BAIAP2L2: variants seen among roughly 807,000 people sequenced by gnomAD.
BAIAP2L2 encodes BAR/IMD domain containing adaptor protein 2 like 2, also known as BAR/IMD domain-containing adapter protein 2-like 2.
A neutral mutation model predicts 60.4 loss-of-function variants in BAIAP2L2; 65 were observed. The observed-to-expected ratio is 1.08, with a 90% CI of 0.88 to 1.32. The LOEUF (loss-of-function observed/expected upper bound fraction) is 1.32, where lower values mean the gene tolerates loss of function less well. BAIAP2L2 is among the 40% of genes most tolerant of loss of function. The probability of loss-of-function intolerance (pLI) is 0.00; values close to 1 mark genes in which losing one functional copy is unlikely to be tolerated. For synonymous variants in BAIAP2L2, 344 were observed against 301.7 expected (o/e 1.14, Z -1.45); for missense variants, 836 against 741.2 (o/e 1.13, Z -1.48).
chr22:38,106,548 AG>A (rs2086668694), intron 4 of BAIAP2L2, among the ~76,000 whole-genome samples: 2 of 149,646 alleles, frequency 1.3e-5, no homozygotes, highest in African/African-American at 4.9e-5. Flanking sequence ...AAAAAAAAAA[AG>A]ATTGTTCCCC....
chr22:38,093,773 C>T lies in BAIAP2L2; in HGVS notation c.612+3259G>A, dbSNP rs548796380. On this transcript the variant is annotated intron_variant, in intron 7 of 13. Coordinates refer to ENST00000381669, the MANE Select transcript of BAIAP2L2 (RefSeq NM_025045.6). Reference sequence around the variant, plus strand: ...ACTGCTGATGGACACGGAAACACTCCGGAAAACGGTCTGGAAGTTCCACAA... The same window carrying T: ...ACTGCTGATGGACACGGAAACACTCTGGAAAACGGTCTGGAAGTTCCACAA... 1.1e-4 allele frequency: 45 copies of T among 395,688 alleles called. 1 individual carries two copies. Among genetic ancestry groups the T allele is most frequent in the South Asian group, 7.1e-4 (39 of 55,222 alleles). The allele number at this position is 395,688 out of a possible 1,614,324, so 24.5% of individuals were successfully genotyped here.
In BAIAP2L2 at chr22:38,110,466, T is replaced by G. The variant is rs752742838; in HGVS notation, c.51+9A>C. The G allele has an allele frequency of 1.2e-6, 2 of 1,611,720 alleles. No individual in the cohort carries two copies. Among genetic ancestry groups the G allele is most frequent in the Non-Finnish European group, 8.5e-7 (1 of 1,179,116 alleles). ...GGCTCAGGCCTGGCTTGGCCACCCA[T>G]GTGCTCACCTTGTAGATGGCCATGG... On this transcript the variant is annotated intron_variant, in intron 1 of 13. Coordinates refer to ENST00000381669, the MANE Select transcript of BAIAP2L2 (RefSeq NM_025045.6).
In BAIAP2L2 at chr22:38,109,123, A is replaced by G; in HGVS notation, c.127+10T>C. The G allele has an allele frequency of 4.3e-6, 7 of 1,609,270 alleles. No individual in the cohort carries two copies. The highest frequency in any genetic ancestry group is 5.9e-6 in the Non-Finnish European group (7 of 1,177,110). ...AGGGCTGGGGCTCGGTGGCCCGGGCAGGCACTCACCGTGGAAGGCACGCAG... is the reference window on the plus strand; with the variant it reads ...AGGGCTGGGGCTCGGTGGCCCGGGCGGGCACTCACCGTGGAAGGCACGCAG... On this transcript the variant is annotated intron_variant, in intron 2 of 13. Transcript: ENST00000381669.
At chr22:38,098,011 A>C (rs2413501) in intron 6 of BAIAP2L2, 52 bp downstream of exon 6, 2 of 485,504 alleles carry the variant, frequency 4.1e-6, no homozygotes, top group Non-Finnish European at 6.0e-6. Flanking sequence ...TCTCGCCCCG[A>C]GGTCTGCCCA....
rs1245565343 is a variant in BAIAP2L2, at chr22:38,107,928, G to A, written c.215-15C>T. The A allele has an allele frequency of 6.2e-7, 1 of 1,612,922 alleles. No individual in the cohort carries two copies. The highest frequency in any genetic ancestry group is 1.3e-5 in the African/African-American group (1 of 74,944). ...CAAGATCTCCCCTGGAGGCATGGATGCAGCTGTGGCTTTGGTGTGTGGCAG... is the reference window on the plus strand; with the variant it reads ...CAAGATCTCCCCTGGAGGCATGGATACAGCTGTGGCTTTGGTGTGTGGCAG... On this transcript the variant is annotated splice_polypyrimidine_tract_variant and intron_variant, in intron 3 of 13. Coordinates refer to ENST00000381669, the MANE Select transcript of BAIAP2L2 (RefSeq NM_025045.6).
At position 38,107,834 on chromosome 22, in the gene BAIAP2L2, C is replaced by CT. The variant is rs747346532; in HGVS notation, c.276+17dup. ...TTTCCTCGAGTGACCCCTCCAGGCC[C>CT]TGGGGCCTGATACTCACCACCACCT... On this transcript the variant is annotated intron_variant, in intron 4 of 13. Transcript: ENST00000381669. The CT allele has an allele frequency of 3.7e-6, 6 of 1,612,498 alleles. No homozygotes were observed. The highest frequency in any genetic ancestry group is 2.2e-5 in the East Asian group (1 of 44,868).
intron 7 of BAIAP2L2, chr22:38,091,584 CAGAG>C (rs1166135101): frequency 2.0e-5 from 3 of 152,004 alleles, no homozygotes; most frequent in Non-Finnish European, 4.4e-5. Flanking sequence ...TCAAAACCAT[CAGAG>C]AGGCCATGGG....
chr22:38,104,518 C>G (rs185768083), intron 4 of BAIAP2L2, among the ~76,000 whole-genome samples: 2,321 of 142,642 alleles, frequency 0.016, 58 homozygotes, highest in African/African-American at 0.058. Context: ...TTTTTTGAGA[C>G]GGAGTATTGC....
In BAIAP2L2 at chr22:38,088,863, G is replaced by A. The variant is rs769089800; in HGVS notation, c.1003C>T (p.His335Tyr). The change falls in exon 10 of 14, where the codon CAC (histidine) becomes TAC (tyrosine). Residue 335 changes from histidine to tyrosine, a missense_variant. By Grantham distance (83) the His-to-Tyr change is moderately conservative. Coordinates refer to ENST00000381669, the MANE Select transcript of BAIAP2L2 (RefSeq NM_025045.6). ...GARRVRALVS[H>Y]SEGANHTLLR... ...AGCGTGTGGTTGGCGCCCTCCGAGTGGGAGACCAGGGCGCGGACTCTCCTG... is the reference window on the plus strand; with the variant it reads ...AGCGTGTGGTTGGCGCCCTCCGAGTAGGAGACCAGGGCGCGGACTCTCCTG... 3.1e-6 allele frequency: 5 copies of A among 1,594,968 alleles called. No homozygotes were observed. The highest frequency in any genetic ancestry group is 1.7e-5 in the Admixed American group (1 of 59,450).
chr22:38,093,403 A>ACACCATG (rs2086354070), intron 7 of BAIAP2L2, among the ~76,000 whole-genome samples: 1 of 152,156 alleles, frequency 6.6e-6, no homozygotes, highest in Non-Finnish European at 1.5e-5. Flanking sequence ...ACGGACTAAC[A>ACACCATG]CACCATGCAT....
At chr22:38,091,449 C>G (rs1300103183) in intron 7 of BAIAP2L2, 3 of 152,154 alleles carry the variant, frequency 2.0e-5, no homozygotes, top group African/African-American at 7.2e-5. Context: ...CATTCTCCAG[C>G]ATGTCATGAT....
chr22:38,085,890 C>T (rs2086050150), intron 12 of BAIAP2L2, among the ~76,000 whole-genome samples, 158 bp from the exon 13 acceptor site: 1 of 152,156 alleles, frequency 6.6e-6, no homozygotes, highest in Non-Finnish European at 1.5e-5. Context: ...GTTCTGAAGC[C>T]CAGAATTCTG....
At chr22:38,096,403 G>A (rs769016759) in intron 7 of BAIAP2L2, among the ~76,000 whole-genome samples, 2 of 152,070 alleles carry the variant, frequency 1.3e-5, no homozygotes, top group Non-Finnish European at 2.9e-5. Flanking sequence ...GCCTGTAATC[G>A]CAGCACTTTG....
intron 4 of BAIAP2L2, among the ~76,000 whole-genome samples, chr22:38,104,664 T>A (rs2086628946): frequency 6.6e-6 from 1 of 151,824 alleles, no homozygotes; most frequent in Admixed American, 6.6e-5. Context: ...CCCGGCTAAT[T>A]GTTTTGTATT....
rs1372589502 is a variant in BAIAP2L2, at chr22:38,089,508, G to T, written c.765+14C>A. On this transcript the variant is annotated intron_variant, in intron 8 of 13. Coordinates refer to ENST00000381669, the MANE Select transcript of BAIAP2L2 (RefSeq NM_025045.6). ...CGGGGGCGCGAACGGCGGCGGGGGC[G>T]CCCAGGGCCTCACCATGTCCAGGCA... 1 of 1,199,624 alleles carries T rather than the reference G, an allele frequency of 8.3e-7. No individual in the cohort carries two copies. Among genetic ancestry groups the T allele is most frequent in the African/African-American group, 1.6e-5 (1 of 63,038 alleles). 74.3% of individuals were successfully genotyped at this position (1,199,624 alleles called of 1,614,324 possible).
chr22:38,089,083 C>G lies in BAIAP2L2; in HGVS notation c.901+13G>C, dbSNP rs967434542. ...TCCCGGCCCTCCTGCCGCCCCGGGG[C>G]GGGGGCACTCACAGGCCGACGGCGT... On this transcript the variant is annotated intron_variant, in intron 9 of 13. Coordinates refer to ENST00000381669, the MANE Select transcript of BAIAP2L2 (RefSeq NM_025045.6). 24 of 1,379,820 alleles carry G rather than the reference C, an allele frequency of 1.7e-5. No individual in the cohort carries two copies. The highest frequency in any genetic ancestry group is 2.1e-5 in the Non-Finnish European group (22 of 1,072,556). The allele number at this position is 1,379,820 out of a possible 1,614,324, so 85.5% of individuals were successfully genotyped here.
chr22:38,105,111 T>C (rs1467782126), intron 4 of BAIAP2L2, among the ~76,000 whole-genome samples: 2 of 152,180 alleles, frequency 1.3e-5, no homozygotes, highest in African/African-American at 4.8e-5. Flanking sequence ...AGTCAGATCC[T>C]GTCCCTCCTT....
intron 1 of BAIAP2L2, 110 bp from the exon 2 acceptor site, chr22:38,109,318 T>TGAGA (rs1287679704): frequency 3.5e-6 from 3 of 846,780 alleles, no homozygotes; most frequent in African/African-American, 3.4e-5. Context: ...CCCAGCCCAG[T>TGAGA]GAGAAGCCCC....
intron 7 of BAIAP2L2, 69 bp downstream of exon 7, chr22:38,096,963 T>C: frequency 6.6e-7 from 1 of 1,526,194 alleles, no homozygotes; most frequent in South Asian, 1.2e-5. Flanking sequence ...GGGAAACCTC[T>C]ATGTACGGCC....
Sources: gnomAD v4.1 joint callset for allele counts (sites outside exome capture counted in the v4.1 genomes callset) on GRCh38, gnomAD v4.1.1 for gene constraint, MANE v1.5 for transcripts, NCBI Gene and HGNC (gene_info 2026-07-23, HGNC 2026-07-21) for gene names.